The following TNFRSF11A variants were observed in gnomAD, a reference collection of about 807,000 sequenced individuals.
TNFRSF11A encodes TNF receptor superfamily member 11a.
TNFRSF11A carries 32 observed loss-of-function variants against 55.7 expected under a neutral mutation model. That is an observed-to-expected ratio of 0.57 (90% CI 0.43 to 0.77). TNFRSF11A has a LOEUF of 0.77. Among genes scored for constraint, TNFRSF11A ranks in the 30% least tolerant of loss-of-function variants. The pLI is 0.00. For synonymous variants in TNFRSF11A, 311 were observed against 331.0 expected (o/e 0.94, Z 0.65); for missense variants, 753 against 809.8 (o/e 0.93, Z 0.85).
In TNFRSF11A at chr18:62,325,918, T is replaced by G. The variant is rs1046479922; in HGVS notation, c.75+491T>G. ...ACTGCGGGCTTGCCTTTGCCTCCCC[T>G]GAGCCCCTTCGGGGACACCCCTGCC... On this transcript the variant is annotated intron_variant, in intron 1 of 9. Transcript: ENST00000586569. This position sits in a 1 kb window ranked among gnomAD's most constrained non-coding sequence, Gnocchi z 4.7. 8.5e-5 allele frequency among the ~76,000 whole-genome samples: 13 copies of G among 152,156 alleles called. No homozygotes were observed. The highest frequency in any genetic ancestry group is 3.1e-4 in the African/African-American group (13 of 41,460).
intron 5 of TNFRSF11A, among the ~76,000 whole-genome samples, chr18:62,358,647 G>A (rs757163929): frequency 1.4e-4 from 21 of 152,126 alleles, no homozygotes; most frequent in Non-Finnish European, 2.2e-4. Context: ...CAGTGGTCAC[G>A]CCTACTTCTC....
At chr18:62,357,915 C>G (rs932382115) in intron 4 of TNFRSF11A, 34 of 303,190 alleles carry the variant, frequency 1.1e-4, no homozygotes, top group East Asian at 8.7e-4. Context: ...GTGTCGGTGA[C>G]CAGGGGAGTG....
chr18:62,344,382 T>C (rs17069845), intron 1 of TNFRSF11A, among the ~76,000 whole-genome samples: 9,757 of 152,284 alleles, frequency 0.064, 403 homozygotes, highest in Admixed American at 0.1. Context: ...ACATCTCAAC[T>C]CAGTCATCAA....
intron 1 of TNFRSF11A, among the ~76,000 whole-genome samples, chr18:62,334,816 G>T (rs145336784): frequency 5.1e-4 from 78 of 152,308 alleles, no homozygotes; most frequent in Non-Finnish European, 1.0e-3. Flanking sequence ...TCAGTCTCAA[G>T]CTTTTACTTG....
intron 1 of TNFRSF11A, among the ~76,000 whole-genome samples, chr18:62,331,065 G>A (rs374625338): frequency 2.0e-5 from 3 of 152,216 alleles, no homozygotes; most frequent in Admixed American, 6.5e-5. Context: ...TTAGCCCGGC[G>A]TGAGGGTACA....
intron 1 of TNFRSF11A, among the ~76,000 whole-genome samples, chr18:62,347,902 T>TA (rs11338887): frequency 3.5e-5 from 5 of 141,254 alleles, no homozygotes; most frequent in African/African-American, 1.0e-4. Context: ...AGACTCTGTC[T>TA]AAAAAAAAAA....
At chr18:62,327,790 C>T (rs1165106848) in intron 1 of TNFRSF11A, among the ~76,000 whole-genome samples, 1 of 152,184 alleles carries the variant, frequency 6.6e-6, no homozygotes, top group East Asian at 1.9e-4. Flanking sequence ...TTCAAACTTA[C>T]CTGAAAGGCT....
chr18:62,348,866 T>G (rs1206410768), intron 2 of TNFRSF11A, among the ~76,000 whole-genome samples: 4 of 152,188 alleles, frequency 2.6e-5, no homozygotes, highest in Non-Finnish European at 5.9e-5. Flanking sequence ...ATTTTGGATA[T>G]TTCAGCTACA....
chr18:62,341,411 G>T (rs2046308204), intron 1 of TNFRSF11A, among the ~76,000 whole-genome samples: 1 of 152,234 alleles, frequency 6.6e-6, no homozygotes, highest in Admixed American at 6.5e-5. Context: ...CACAAGGATG[G>T]TTTGTGCGGG....
At position 62,374,726 on chromosome 18, in the gene TNFRSF11A, C is replaced by T. The variant is rs143587804; in HGVS notation, c.1567+5242C>T. 5.7e-3 allele frequency among the ~76,000 whole-genome samples: 869 copies of T among 152,236 alleles called. 9 individuals are homozygous for T. The highest frequency in any genetic ancestry group is 0.02 in the African/African-American group (822 of 41,538). ...TTCTGCCTGAGAAATGCAGATTCCA[C>T]GGAGCCTGCTATGTCAAGCATGGAC... is the stretch of plus-strand genomic sequence containing the variant. On this transcript the variant is annotated intron_variant, in intron 9 of 9. Coordinates refer to ENST00000586569, the MANE Select transcript of TNFRSF11A (RefSeq NM_003839.4).
At chr18:62,329,119 C>T (rs1414406229) in intron 1 of TNFRSF11A, among the ~76,000 whole-genome samples, 2 of 149,610 alleles carry the variant, frequency 1.3e-5, no homozygotes, top group East Asian at 1.9e-4. Flanking sequence ...TTTTGAAGTT[C>T]ATGGAAAAAA....
intron 7 of TNFRSF11A, 127 bp downstream of exon 7, chr18:62,361,920 G>A (rs1157744194): frequency 2.6e-5 from 23 of 875,676 alleles, no homozygotes; most frequent in Non-Finnish European, 4.3e-5. Flanking sequence ...AGCAAAACAC[G>A]TTTTATCATT....
intron 3 of TNFRSF11A, among the ~76,000 whole-genome samples, chr18:62,350,644 C>A (rs185182218): frequency 1.6e-4 from 24 of 152,272 alleles, no homozygotes; most frequent in Non-Finnish European, 2.8e-4. Context: ...AATAACTTCT[C>A]CAAGGTTAAC....
chr18:62,372,690 T>A (rs898599861), intron 9 of TNFRSF11A, among the ~76,000 whole-genome samples: 1 of 152,160 alleles, frequency 6.6e-6, no homozygotes, highest in African/African-American at 2.4e-5. Context: ...GTGCCCAGTG[T>A]CTATTGTTGC....
chr18:62,363,694 G>A (rs1370439639), intron 7 of TNFRSF11A, among the ~76,000 whole-genome samples: 2 of 152,128 alleles, frequency 1.3e-5, no homozygotes, highest in Non-Finnish European at 2.9e-5. Flanking sequence ...TAAAGAGTCT[G>A]TTCATTGTTG....
At chr18:62,374,914 G>GTT (rs143140531) in intron 9 of TNFRSF11A, among the ~76,000 whole-genome samples, 5 of 150,868 alleles carry the variant, frequency 3.3e-5, no homozygotes, top group African/African-American at 7.3e-5. Flanking sequence ...TTTTTTTTAA[G>GTT]TTTTTTTTGA....
intron 1 of TNFRSF11A, among the ~76,000 whole-genome samples, chr18:62,339,564 T>C (rs2046282712): frequency 6.6e-6 from 1 of 152,178 alleles, no homozygotes; most frequent in South Asian, 2.1e-4. Context: ...TGTGGCTGTG[T>C]CCTCCTTTAC....
rs199921746 is a variant in TNFRSF11A, at chr18:62,349,887, A to T, written c.233A>T (p.Asp78Val). The T allele has an allele frequency of 2.2e-5, 36 of 1,614,106 alleles. No individual in the cohort carries two copies. In the East Asian group the frequency reaches 8.0e-4, roughly 36 times the overall value. ...CLPCGPDEYLDSWNEEDKCLL... is the reference protein window; with the variant it reads ...CLPCGPDEYLVSWNEEDKCLL... ...CCCTGTGGCCCGGATGAATACTTGG[A>T]TAGCTGGAATGAAGAAGATAAATGC... Residue 78 changes from aspartate (D) to valine (V), a missense_variant, in exon 3 of 10, where the codon GAT (aspartate) becomes GTT (valine). Asp to Val is a radical substitution (Grantham distance 152, BLOSUM62 -3). This residue lies in a region of TNFRSF11A where 156 missense variants were observed against 155.1 expected (regional missense o/e 1.01). Coordinates refer to ENST00000586569, the MANE Select transcript of TNFRSF11A (RefSeq NM_003839.4).
chr18:62,388,560 G>A lies in TNFRSF11A; in HGVS notation c.*3526G>A, dbSNP rs1198234288. ...GGAGTAAAATGCTGCAGAGAAGAGT[G>A]CATTCTGGGAAAAAAAGAGGAACAT... On this transcript the variant is annotated 3_prime_UTR_variant, in exon 10 of 10. Transcript: ENST00000586569. 1 of 152,208 alleles carries A rather than the reference G, an allele frequency of 6.6e-6. No homozygotes were observed. Among genetic ancestry groups the A allele is most frequent in the Non-Finnish European group, 1.5e-5 (1 of 68,064 alleles). 9.4% of individuals were successfully genotyped at this position (152,208 alleles called of 1,614,324 possible).
Sources: allele counts gnomAD v4.1 joint callset (sites outside exome capture counted in the v4.1 genomes callset), GRCh38; gene constraint gnomAD v4.1.1; regional missense constraint gnomAD v4.1.1; non-coding constraint Gnocchi (gnomAD v3.1); transcripts MANE v1.5; gene names NCBI Gene and HGNC (gene_info 2026-07-23, HGNC 2026-07-21).